The following CBX5 variants were observed in gnomAD, a reference collection of about 807,000 sequenced individuals.
CBX5 encodes chromobox 5, also known as chromobox protein homolog 5.
In CBX5, 7 loss-of-function variants were observed where a neutral mutation model predicts 20.7. That is an observed-to-expected ratio of 0.34 (90% CI 0.19 to 0.63). The LOEUF is 0.63. Among genes scored for constraint, CBX5 ranks in the 30% least tolerant of loss-of-function variants. The pLI, the probability that CBX5 is intolerant of heterozygous loss-of-function variation, is 0.75. For missense variants in CBX5, 110 were observed against 224.1 expected (o/e 0.49, Z 3.25); for synonymous variants, 78 against 77.0 (o/e 1.01, Z -0.07).
intron 3 of CBX5, among the ~76,000 whole-genome samples, chr12:54,248,772 C>A (rs1943763086): frequency 6.6e-6 from 1 of 152,228 alleles, no homozygotes; most frequent in Non-Finnish European, 1.5e-5. Flanking sequence ...CTAAAATCAT[C>A]ATACAGGCAG....
At chr12:54,256,501 A>G (rs1383337625) in intron 2 of CBX5, among the ~76,000 whole-genome samples, 1 of 152,198 alleles carries the variant, frequency 6.6e-6, no homozygotes, top group Non-Finnish European at 1.5e-5. Flanking sequence ...ATCCAAAAGT[A>G]TTGGTAAACC....
intron 4 of CBX5, among the ~76,000 whole-genome samples, chr12:54,244,949 C>T (rs1200018321): frequency 6.6e-6 from 1 of 151,850 alleles, no homozygotes; most frequent in African/African-American, 2.4e-5. Context: ...CATGGTCTTA[C>T]AGTAAGTAAT....
At position 54,231,400 on chromosome 12, in the gene CBX5, T is replaced by G. The variant is rs1286315682; in HGVS notation, c.*10355A>C. ...CTGGCTACTTGGCAGGGAGTCAGAC[T>G]GTGCTCTCTCCATTCCCCAGGACTC... On this transcript the variant is annotated 3_prime_UTR_variant, in exon 5 of 5. Coordinates refer to ENST00000209875, the MANE Select transcript of CBX5 (RefSeq NM_012117.3). 2 of 154,682 alleles carry G rather than the reference T, an allele frequency of 1.3e-5. No individual in the cohort carries two copies. Among genetic ancestry groups the G allele is most frequent in the Non-Finnish European group, 2.9e-5 (2 of 68,082 alleles). The allele number at this position is 154,682 out of a possible 1,614,324, so 9.6% of individuals were successfully genotyped here. A position where few individuals can be genotyped will look rare whatever the true frequency, so the allele number is the denominator to read the frequency against.
chr12:54,274,973 G>A (rs897292604), intron 1 of CBX5, among the ~76,000 whole-genome samples: 5 of 151,860 alleles, frequency 3.3e-5, no homozygotes, highest in East Asian at 1.9e-4. Context: ...AACAAAAAGC[G>A]ACTTAGTCTT....
chr12:54,257,962 T>C (rs902100698), intron 1 of CBX5: 5 of 255,214 alleles, frequency 2.0e-5, no homozygotes, highest in African/African-American at 8.8e-5. Flanking sequence ...AAAAGACAAG[T>C]AGTGTGGTAT....
At chr12:54,257,745 T>C in intron 1 of CBX5, 53 bp from the exon 2 acceptor site, 3 of 1,390,362 alleles carry the variant, frequency 2.2e-6, no homozygotes, top group Non-Finnish European at 3.0e-6. Context: ...GTTAAAAACT[T>C]TGTCTTTTCT....
At position 54,232,767 on chromosome 12, in the gene CBX5, T is replaced by C. The variant is rs1285314625; in HGVS notation, c.*8988A>G. On this transcript the variant is annotated 3_prime_UTR_variant, in exon 5 of 5. Transcript: ENST00000209875. Reference sequence around the variant, plus strand: ...TGAACTGCTTCTGAAAGTCATGTTATAGATGTTTTGAAAATAAAATTACAT... The same window carrying C: ...TGAACTGCTTCTGAAAGTCATGTTACAGATGTTTTGAAAATAAAATTACAT... 1 of 152,090 alleles carries C rather than the reference T, an allele frequency of 6.6e-6. No homozygotes were observed. Among genetic ancestry groups the C allele is most frequent in the South Asian group, 2.1e-4 (1 of 4,818 alleles). 9.4% of individuals were successfully genotyped at this position (152,090 alleles called of 1,614,324 possible).
chr12:54,277,550 C>G (rs1456785373), intron 1 of CBX5, among the ~76,000 whole-genome samples: 2 of 152,166 alleles, frequency 1.3e-5, no homozygotes, highest in East Asian at 1.9e-4. Context: ...GTTGGCCAGG[C>G]TGGTCTGAAA....
chr12:54,241,710 G>A lies in CBX5; in HGVS notation c.*45C>T, dbSNP rs747050000. On this transcript the variant is annotated 3_prime_UTR_variant, in exon 5 of 5. Transcript: ENST00000209875. The stretch of plus-strand genomic sequence containing the variant: ...TAGAAAGGAGAGGAGGCAGGGAGGT[G>A]AATGTATTATGTACAAAGAGAAATG... 4.5e-6 allele frequency: 7 copies of A among 1,563,428 alleles called. No individual in the cohort carries two copies. The East Asian group carries it at 6.8e-5, about 15-fold the overall frequency.
intron 1 of CBX5, among the ~76,000 whole-genome samples, chr12:54,260,906 T>C (rs1447803692): frequency 1.3e-5 from 2 of 152,032 alleles, no homozygotes; most frequent in Non-Finnish European, 2.9e-5. Flanking sequence ...AAGAACTCAG[T>C]TGAGCCAGGA....
rs1033236561 is a variant in CBX5, at chr12:54,231,610, A to C, written c.*10145T>G. The C allele has an allele frequency of 1.3e-5, 2 of 152,782 alleles. No homozygotes were observed. Among genetic ancestry groups the C allele is most frequent in the Non-Finnish European group, 2.9e-5 (2 of 68,056 alleles). 9.5% of individuals were successfully genotyped at this position (152,782 alleles called of 1,614,324 possible). A position where few individuals can be genotyped will look rare whatever the true frequency, so the allele number is the denominator to read the frequency against. ...GGGAAGAGGAGCTGGCTGCGCCCCTAAACTGAGATGGAAAGAGTAAGGCTC... is the reference window on the plus strand; with the variant it reads ...GGGAAGAGGAGCTGGCTGCGCCCCTCAACTGAGATGGAAAGAGTAAGGCTC... On this transcript the variant is annotated 3_prime_UTR_variant, in exon 5 of 5. Coordinates refer to ENST00000209875, the MANE Select transcript of CBX5 (RefSeq NM_012117.3).
chr12:54,279,844 G>T (rs1178959407), intron 1 of CBX5, among the ~76,000 whole-genome samples, 164 bp downstream of exon 1: 1 of 152,096 alleles, frequency 6.6e-6, no homozygotes, highest in Non-Finnish European at 1.5e-5. Context: ...AGAACCTACG[G>T]GGATTAAAAC....
At position 54,238,345 on chromosome 12, in the gene CBX5, ACAGT is replaced by A. The variant is rs1314253190; in HGVS notation, c.*3406_*3409del. ...GGCTACGGATCAAAAAGGAAAAAAT[ACAGT>A]CAGTGGACAAGTAGAAGAGTCTCCT... On this transcript the variant is annotated 3_prime_UTR_variant, in exon 5 of 5. Coordinates refer to ENST00000209875, the MANE Select transcript of CBX5 (RefSeq NM_012117.3). The A allele has an allele frequency of 6.6e-6, 1 of 152,214 alleles. No homozygotes were observed. The highest frequency in any genetic ancestry group is 1.5e-5 in the Non-Finnish European group (1 of 68,040). The allele number at this position is 152,214 out of a possible 1,614,324, so 9.4% of individuals were successfully genotyped here.
intron 3 of CBX5, among the ~76,000 whole-genome samples, chr12:54,250,662 G>T (rs1346439215): frequency 2.0e-5 from 3 of 148,524 alleles, no homozygotes; most frequent in Non-Finnish European, 3.0e-5. Context: ...AAAATTAGCC[G>T]GGCGCGGTGG....
chr12:54,264,208 A>C (rs926104992), intron 1 of CBX5, among the ~76,000 whole-genome samples: 5 of 152,152 alleles, frequency 3.3e-5, no homozygotes, highest in African/African-American at 1.2e-4. Context: ...TTCAGGCTGC[A>C]GTGCAGTGGT....
At position 54,241,812 on chromosome 12, in the gene CBX5, T is replaced by C; in HGVS notation, c.519A>G (p.Thr173=). 6.2e-7 allele frequency: 1 copy of C among 1,613,784 alleles called. No homozygotes were observed. Among genetic ancestry groups the C allele is most frequent in the South Asian group, 1.1e-5 (1 of 90,958 alleles). The part of the protein sequence containing the change: ...IVIAFYEERL[T]WHAYPEDAEN... ...CCGCATCCTCAGGATATGCATGCCA[T>C]GTCAGTCTCTCTTCATAAAATGCTA... Residue 173 remains threonine, a synonymous_variant, in exon 5 of 5, where the codon ACA becomes ACG. Coordinates refer to ENST00000209875, the MANE Select transcript of CBX5 (RefSeq NM_012117.3).
chr12:54,261,891 T>C (rs995982173), intron 1 of CBX5, among the ~76,000 whole-genome samples: 3 of 152,160 alleles, frequency 2.0e-5, no homozygotes, highest in Non-Finnish European at 2.9e-5. Context: ...CAAAGATCTA[T>C]TAAGTCCCCC....
At chr12:54,249,215 A>G (rs1943768002) in intron 3 of CBX5, among the ~76,000 whole-genome samples, 1 of 152,072 alleles carries the variant, frequency 6.6e-6, no homozygotes, top group Non-Finnish European at 1.5e-5. Context: ...CTAAAAATAC[A>G]AAAAATTAGC....
intron 3 of CBX5, 75 bp downstream of exon 3, chr12:54,251,966 T>C (rs1053885765): frequency 2.3e-6 from 3 of 1,321,968 alleles, no homozygotes; most frequent in Non-Finnish European, 3.1e-6. Context: ...ATAACCAAAA[T>C]ATGATACTTT....
Sources: gnomAD v4.1 joint callset for allele counts (sites outside exome capture counted in the v4.1 genomes callset) on GRCh38, gnomAD v4.1.1 for gene constraint, MANE v1.5 for transcripts, NCBI Gene and HGNC (gene_info 2026-07-23, HGNC 2026-07-21) for gene names.